DLGAP3: variants seen among roughly 807,000 people sequenced by gnomAD.
DLGAP3 encodes the protein disks large-associated protein 3.
DLGAP3 carries 17 observed loss-of-function variants against 81.2 expected under a neutral mutation model. The ratio of observed to expected loss-of-function variants is 0.21; its 90% CI spans 0.14 to 0.31. DLGAP3 has a LOEUF of 0.31. Among genes scored for constraint, DLGAP3 ranks in the 10% least tolerant of loss-of-function variants. DLGAP3 has a pLI of 1.00. For synonymous variants in DLGAP3, 577 were observed against 587.4 expected (o/e 0.98, Z 0.26); for missense variants, 1,124 against 1,388.0 (o/e 0.81, Z 3.02).
chr1:34,898,455 A>C (rs1253043316), intron 5 of DLGAP3, among the ~76,000 whole-genome samples: 1 of 152,244 alleles, frequency 6.6e-6, no homozygotes, highest in South Asian at 2.1e-4. Context: ...TGGGTTTAAC[A>C]ACATAGGCTG....
rs61776355 is a variant in DLGAP3 at position 34,904,076 on chromosome 1, G to A, written c.1107+201C>T. 2.7e-3 allele frequency among the ~76,000 whole-genome samples: 410 copies of A among 152,336 alleles called. 1 individual carries two copies. The highest frequency in any genetic ancestry group is 4.8e-3 in the Non-Finnish European group (325 of 68,026). On this transcript the variant is annotated intron_variant, in intron 3 of 11. Coordinates refer to ENST00000373347, the MANE Select transcript of DLGAP3 (RefSeq NM_001080418.3). This position sits in a 1 kb window ranked among gnomAD's most constrained non-coding sequence, Gnocchi z 8.1. The stretch of plus-strand genomic sequence containing the variant: ...GGACAGACACATCATTAGAACAGAA[G>A]GGCCCCTTCATTGCACAAATGGGGA...
chr1:34,886,659 A>C (rs890058853), intron 5 of DLGAP3, among the ~76,000 whole-genome samples: 18 of 152,068 alleles, frequency 1.2e-4, no homozygotes, highest in Non-Finnish European at 2.1e-4. Context: ...AGAGAGGACC[A>C]GGGACCTGGC....
At position 34,865,895 on chromosome 1, in the gene DLGAP3, C is replaced by G. The variant is rs1638866178; in HGVS notation, c.*188G>C. 1 of 683,544 alleles carries G rather than the reference C, an allele frequency of 1.5e-6. No individual in the cohort carries two copies. The highest frequency in any genetic ancestry group is 2.6e-6 in the Non-Finnish European group (1 of 381,330). The allele number at this position is 683,544 out of a possible 1,614,324, so 42.3% of individuals were successfully genotyped here. Reference sequence around the variant, plus strand: ...GGAGAGGCACGGCCCCCTGCCCAGCCCGGGCGCCTTCGCGTGGGATCAGGA... The same window carrying G: ...GGAGAGGCACGGCCCCCTGCCCAGCGCGGGCGCCTTCGCGTGGGATCAGGA... On this transcript the variant is annotated 3_prime_UTR_variant, in exon 12 of 12. Transcript: ENST00000373347.
chr1:34,886,311 A>G, intron 5 of DLGAP3, 26 bp from the exon 6 acceptor site: 1 of 1,541,928 alleles, frequency 6.5e-7, no homozygotes, highest in Non-Finnish European at 8.8e-7. Context: ...TCGGGAGGAC[A>G]GTTATAAGGT....
At chr1:34,922,459 CAT>C (rs916990058) in intron 1 of DLGAP3, among the ~76,000 whole-genome samples, 2 of 152,152 alleles carry the variant, frequency 1.3e-5, no homozygotes, top group African/African-American at 4.8e-5. Context: ...TACGTATATG[CAT>C]GCCCCACATA....
chr1:34,894,493 G>A (rs1278874269), intron 5 of DLGAP3, among the ~76,000 whole-genome samples: 1 of 152,106 alleles, frequency 6.6e-6, no homozygotes, highest in Non-Finnish European at 1.5e-5. Flanking sequence ...GATCTCAACA[G>A]CAACCTGAGA....
intron 5 of DLGAP3, among the ~76,000 whole-genome samples, chr1:34,893,798 C>G (rs1308855859): frequency 6.6e-6 from 1 of 152,088 alleles, no homozygotes. Flanking sequence ...AAATGGTACA[C>G]TAAAATATTT....
At chr1:34,891,953 A>G (rs1276772598) in intron 5 of DLGAP3, among the ~76,000 whole-genome samples, 1 of 152,262 alleles carries the variant, frequency 6.6e-6, no homozygotes, top group Non-Finnish European at 1.5e-5. Context: ...TTACTACAAT[A>G]TATTATCTAA....
chr1:34,925,451 C>A (rs1639858913), intron 1 of DLGAP3: 1 of 152,572 alleles, frequency 6.6e-6, no homozygotes, highest in Non-Finnish European at 1.5e-5. Flanking sequence ...TGTTCTGAGC[C>A]CCCTTTCTGA....
chr1:34,923,573 G>T (rs1412210622), intron 1 of DLGAP3, among the ~76,000 whole-genome samples: 1 of 152,074 alleles, frequency 6.6e-6, no homozygotes, highest in Non-Finnish European at 1.5e-5. Flanking sequence ...TGTGGGGGTG[G>T]AGGGGTGACT....
At chr1:34,882,493 T>A (rs983206082) in intron 8 of DLGAP3, among the ~76,000 whole-genome samples, 9 of 151,792 alleles carry the variant, frequency 5.9e-5, no homozygotes, top group Admixed American at 1.3e-4. Context: ...AAAATAAAAT[T>A]AAAATAAAAA....
At chr1:34,917,364 T>C (rs1382788956) in intron 1 of DLGAP3, among the ~76,000 whole-genome samples, 2 of 150,574 alleles carry the variant, frequency 1.3e-5, no homozygotes, top group African/African-American at 4.9e-5. Flanking sequence ...TTTTTTTTTT[T>C]CGAGATAGGG....
At chr1:34,899,517 C>A in intron 5 of DLGAP3, 152 bp downstream of exon 5, 1 of 760,202 alleles carries the variant, frequency 1.3e-6, no homozygotes, top group Non-Finnish European at 2.4e-6. Context: ...CCTGAGTCAG[C>A]TCCAGGAGTC....
In DLGAP3 at chr1:34,904,745, G is replaced by A; in HGVS notation, c.639C>T (p.Gly213=). Residue 213 remains glycine, a synonymous_variant, in exon 3 of 12, where the codon GGC becomes GGT. Coordinates refer to ENST00000373347, the MANE Select transcript of DLGAP3 (RefSeq NM_001080418.3). This position sits in a 1 kb window ranked among gnomAD's most constrained non-coding sequence, Gnocchi z 8.1. ...RGGSGGDSYP[G]PGSGGPHTSH... ...AGGTGTGGGGGCCTCCAGAGCCCGGGCCGGGGTAGCTGTCTCCTCCAGAGC... is the reference window on the plus strand; with the variant it reads ...AGGTGTGGGGGCCTCCAGAGCCCGGACCGGGGTAGCTGTCTCCTCCAGAGC... 6.2e-7 allele frequency: 1 copy of A among 1,611,846 alleles called. No individual in the cohort carries two copies.
At chr1:34,880,947 A>G (rs1639135734) in intron 8 of DLGAP3, among the ~76,000 whole-genome samples, 1 of 152,222 alleles carries the variant, frequency 6.6e-6, no homozygotes, top group South Asian at 2.1e-4. Flanking sequence ...GGCATCAGGC[A>G]TAGATAATTT....
intron 1 of DLGAP3, among the ~76,000 whole-genome samples, chr1:34,909,109 C>T (rs1004478891): frequency 6.6e-6 from 1 of 152,238 alleles, no homozygotes; most frequent in African/African-American, 2.4e-5. Context: ...TTGCTCTGTG[C>T]ATGGTGACAT....
chr1:34,869,480 A>ATTTTTTTTTTTTTTTTTTTTTTTTTTTTT (rs71029050), intron 8 of DLGAP3, among the ~76,000 whole-genome samples: 1 of 69,280 alleles, frequency 1.4e-5, no homozygotes, highest in African/African-American at 5.2e-5. Context: ...AGATATTTCA[A>ATTTTTTTTTTTTTTTTTTTTTTTTTTTTT]TTTTTTTTTT....
At chr1:34,922,988 C>T (rs1183015969) in intron 1 of DLGAP3, among the ~76,000 whole-genome samples, 1 of 152,014 alleles carries the variant, frequency 6.6e-6, no homozygotes, top group East Asian at 1.9e-4. Flanking sequence ...CTGTCATGTC[C>T]TCATCCCATG....
chr1:34,916,988 G>A (rs12406265), intron 1 of DLGAP3, among the ~76,000 whole-genome samples: 4,991 of 152,184 alleles, frequency 0.033, 334 homozygotes, highest in East Asian at 0.31. Flanking sequence ...GTGAGCCACC[G>A]TGCCTGGCCT....
Sources: allele counts gnomAD v4.1 joint callset (sites outside exome capture counted in the v4.1 genomes callset), GRCh38; gene constraint gnomAD v4.1.1; non-coding constraint Gnocchi (gnomAD v3.1); transcripts MANE v1.5; gene names NCBI Gene and HGNC (gene_info 2026-07-23, HGNC 2026-07-21).